The following VSIR variants were observed in gnomAD, a reference collection of about 807,000 sequenced individuals.
VSIR encodes V-set immunoregulatory receptor, also known as V-type immunoglobulin domain-containing suppressor of T-cell activation.
A neutral mutation model predicts 31.0 loss-of-function variants in VSIR; 10 were observed. That is an observed-to-expected ratio of 0.32 (90% CI 0.20 to 0.55). The LOEUF (loss-of-function observed/expected upper bound fraction) is 0.55. Among genes scored for constraint, VSIR ranks in the 20% least tolerant of loss-of-function variants. The pLI is 0.93. For synonymous variants in VSIR, 179 were observed against 180.1 expected (o/e 0.99, Z 0.05); for missense variants, 356 against 416.2 (o/e 0.86, Z 1.26).
intron 1 of VSIR, among the ~76,000 whole-genome samples, chr10:71,765,094 G>A (rs1285566193): frequency 2.6e-5 from 4 of 152,178 alleles, no homozygotes; most frequent in African/African-American, 7.2e-5. Context: ...GCTCTCCCAC[G>A]TACTCCCAGG....
Position 71,751,075 on chromosome 10 carries a change from C to A in VSIR, c.*178G>T. 1 of 730,916 alleles carries A rather than the reference C, an allele frequency of 1.4e-6. No homozygotes were observed. 45.3% of individuals were successfully genotyped at this position (730,916 alleles called of 1,614,324 possible). ...AACAGGGGCTGAGCCGTCCAGCATC[C>A]CCATGTAGCATCCAGAGGGGTTGAG... On this transcript the variant is annotated 3_prime_UTR_variant, in exon 7 of 7. Transcript: ENST00000394957. This position sits in a 1 kb window ranked among gnomAD's most constrained non-coding sequence, Gnocchi z 4.9.
rs865814664 is a variant in VSIR, at chr10:71,755,219, G to A, written c.676+140C>T. 97 of 836,262 alleles carry A rather than the reference G, an allele frequency of 1.2e-4. 1 individual carries two copies. The highest frequency in any genetic ancestry group is 9.8e-4 in the South Asian group (64 of 65,190). The allele number at this position is 836,262 out of a possible 1,614,324, so 51.8% of individuals were successfully genotyped here. On this transcript the variant is annotated intron_variant, in intron 4 of 6. Coordinates refer to ENST00000394957, the MANE Select transcript of VSIR (RefSeq NM_022153.2). The stretch of plus-strand genomic sequence containing the variant: ...TCGGCCATTTCGCCCAGCTCCTGGC[G>A]GGAAGTGCAGCTGCTCCCAACTCTC...
Position 71,751,868 on chromosome 10 carries a change from C to A in VSIR, c.705-7G>T. ...TTCAATCCCTTGAATGTTGCTGCCA[C>A]AGAACCAGAATGGAAGGTCATCTGT... On this transcript the variant is annotated splice_region_variant and splice_polypyrimidine_tract_variant and intron_variant, in intron 5 of 6. Coordinates refer to ENST00000394957, the MANE Select transcript of VSIR (RefSeq NM_022153.2). This position sits in a 1 kb window ranked among gnomAD's most constrained non-coding sequence, Gnocchi z 4.9. 1 of 1,540,862 alleles carries A rather than the reference C, an allele frequency of 6.5e-7. No homozygotes were observed. Among genetic ancestry groups the A allele is most frequent in the Non-Finnish European group, 8.8e-7 (1 of 1,141,838 alleles).
At chr10:71,763,043 A>T (rs1361923427) in intron 1 of VSIR, among the ~76,000 whole-genome samples, 1 of 152,240 alleles carries the variant, frequency 6.6e-6, no homozygotes, top group African/African-American at 2.4e-5. Flanking sequence ...GCAGTGAGAA[A>T]ACTATTGGCT....
At position 71,770,385 on chromosome 10, in the gene VSIR, T is replaced by A. The variant is rs146383072; in HGVS notation, c.82+2973A>T. On this transcript the variant is annotated intron_variant, in intron 1 of 6. Transcript: ENST00000394957. ...GAGCAGTAAATGGCCATCTTGGGAT[T>A]TAAGCCTAGGTCTGAGTGACTCACA... Among the ~76,000 whole-genome samples the A allele has an allele frequency of 2.4e-3, 360 of 152,338 alleles. 1 individual carries two copies. The highest frequency in any genetic ancestry group is 7.0e-3 in the African/African-American group (292 of 41,572).
In VSIR at chr10:71,751,028, C is replaced by A. The variant is rs533883221; in HGVS notation, c.*225G>T. 3.8e-6 allele frequency: 2 copies of A among 522,898 alleles called. No individual in the cohort carries two copies. Among genetic ancestry groups the A allele is most frequent in the South Asian group, 6.1e-5 (2 of 32,532 alleles). The allele number at this position is 522,898 out of a possible 1,614,324, so 32.4% of individuals were successfully genotyped here. The stretch of plus-strand genomic sequence containing the variant: ...GAATTTCAGGTCTCTAGGGGAGAAT[C>A]TCAGCACCCCAAAATCCTTGGAACA... On this transcript the variant is annotated 3_prime_UTR_variant, in exon 7 of 7. Coordinates refer to ENST00000394957, the MANE Select transcript of VSIR (RefSeq NM_022153.2). This position sits in a 1 kb window ranked among gnomAD's most constrained non-coding sequence, Gnocchi z 4.9.
At position 71,773,520 on chromosome 10, in the gene VSIR, T is replaced by A. The variant is rs1256722262; in HGVS notation, c.-81A>T. 5 of 1,388,920 alleles carry A rather than the reference T, an allele frequency of 3.6e-6. No individual in the cohort carries two copies. The highest frequency in any genetic ancestry group is 5.0e-6 in the Non-Finnish European group (5 of 1,008,480). 86.0% of individuals were successfully genotyped at this position (1,388,920 alleles called of 1,614,324 possible). On this transcript the variant is annotated 5_prime_UTR_variant, in exon 1 of 7. Coordinates refer to ENST00000394957, the MANE Select transcript of VSIR (RefSeq NM_022153.2). ...CCGGCGCGGGGAAGCCTCCCGCGAC[T>A]GAGTGCGAGCGAGTGAGCGCTGCGG...
chr10:71,765,025 T>G (rs571928938), intron 1 of VSIR, among the ~76,000 whole-genome samples: 1 of 152,090 alleles, frequency 6.6e-6, no homozygotes, highest in African/African-American at 2.4e-5. Flanking sequence ...GTGGGGTGGG[T>G]GTAGCTGCAA....
intron 1 of VSIR, among the ~76,000 whole-genome samples, chr10:71,768,773 C>T (rs1840618947): frequency 6.6e-6 from 1 of 152,252 alleles, no homozygotes. Context: ...AGCCACTGTG[C>T]TCGGCCTCAT....
intron 5 of VSIR, 71 bp downstream of exon 5, chr10:71,752,904 C>T (rs1840041337): frequency 2.6e-6 from 4 of 1,560,360 alleles, no homozygotes; most frequent in Non-Finnish European, 8.8e-7. Flanking sequence ...AGGGCCCCTA[C>T]TGCACAGAAG....
At chr10:71,769,125 A>G (rs1405502697) in intron 1 of VSIR, among the ~76,000 whole-genome samples, 1 of 152,252 alleles carries the variant, frequency 6.6e-6, no homozygotes, top group Non-Finnish European at 1.5e-5. Context: ...TACATTAAAT[A>G]ACATTGAATC....
intron 1 of VSIR, among the ~76,000 whole-genome samples, chr10:71,766,353 C>T (rs577707736): frequency 6.6e-6 from 1 of 152,072 alleles, no homozygotes; most frequent in Non-Finnish European, 1.5e-5. Flanking sequence ...AAGACCCAGG[C>T]CCCCCGCCCG....
intron 3 of VSIR, chr10:71,760,543 G>A (rs1300025490): frequency 2.4e-5 from 6 of 245,330 alleles, no homozygotes; most frequent in Admixed American, 5.2e-5. Flanking sequence ...GCCATAGGGG[G>A]CTGGTGGGCA....
intron 3 of VSIR, among the ~76,000 whole-genome samples, chr10:71,755,988 T>C (rs1175082780): frequency 2.0e-5 from 3 of 152,166 alleles, no homozygotes; most frequent in Admixed American, 6.5e-5. Context: ...TTTATCATAA[T>C]AGATAAAAAG....
chr10:71,772,477 C>T (rs1168971362), intron 1 of VSIR, among the ~76,000 whole-genome samples: 2 of 152,242 alleles, frequency 1.3e-5, no homozygotes, highest in Non-Finnish European at 2.9e-5. Context: ...AACTAGGCAA[C>T]CAGGCCATGG....
chr10:71,760,151 GTA>G (rs1297488842), intron 3 of VSIR, among the ~76,000 whole-genome samples: 1 of 15,568 alleles, frequency 6.4e-5, no homozygotes, highest in East Asian at 1.1e-3. Context: ...ATATATGTGT[GTA>G]TATATATGTA....
intron 1 of VSIR, among the ~76,000 whole-genome samples, chr10:71,770,062 T>A (rs573055102): frequency 1.3e-5 from 2 of 152,166 alleles, no homozygotes; most frequent in African/African-American, 4.8e-5. Flanking sequence ...GCACCCTTCA[T>A]ACTCCAGGCT....
chr10:71,765,492 G>A (rs939507203), intron 1 of VSIR, among the ~76,000 whole-genome samples: 2 of 152,184 alleles, frequency 1.3e-5, no homozygotes, highest in Non-Finnish European at 2.9e-5. Flanking sequence ...TTGTTGGCCT[G>A]AGTGTCCCTG....
chr10:71,758,196 T>C (rs899091167), intron 3 of VSIR, among the ~76,000 whole-genome samples: 2 of 152,082 alleles, frequency 1.3e-5, no homozygotes, highest in Non-Finnish European at 2.9e-5. Flanking sequence ...TTGGCCTGTT[T>C]GTTGGTTTGA....
Sources: gnomAD v4.1 joint callset for allele counts (sites outside exome capture counted in the v4.1 genomes callset) on GRCh38, gnomAD v4.1.1 for gene constraint, Gnocchi (gnomAD v3.1) non-coding constraint, MANE v1.5 for transcripts, NCBI Gene and HGNC (gene_info 2026-07-23, HGNC 2026-07-21) for gene names.